Variants in DGKB observed in about 807,000 individuals in gnomAD.
The protein encoded by DGKB is 90 kDa diacylglycerol kinase.
Under a neutral mutation model 114.3 loss-of-function variants are expected in DGKB, and 67 were observed. The observed-to-expected ratio is 0.59, with a 90% CI of 0.48 to 0.72. DGKB has a LOEUF of 0.72. DGKB is among the 30% of genes least tolerant of loss of function. DGKB has a pLI of 0.00. For synonymous variants in DGKB, 398 were observed against 323.1 expected, an observed-to-expected ratio of 1.23 and a Z score of -2.49; for missense variants, 907 against 975.2, an observed-to-expected ratio of 0.93 and a Z score of 0.93.
At chr7:14,798,757 T>A (rs943404164) in intron 2 of DGKB, among the ~76,000 whole-genome samples, 1 of 152,172 alleles carries the variant, frequency 6.6e-6, no homozygotes, top group Non-Finnish European at 1.5e-5. Context: ...TCACAGCAGG[T>A]CCAGTGGGTC....
intron 17 of DGKB, among the ~76,000 whole-genome samples, chr7:14,584,098 T>A (rs11768578): frequency 0.33 from 49,747 of 152,118 alleles, 8,768 homozygotes; most frequent in East Asian, 0.68. Context: ...CTTGTGTGGT[T>A]TTATTTTAAC....
chr7:14,910,242 AAAAGAAAGAAAGAAAGAAAGAAAG>A (rs61063816), intron 1 of DGKB, among the ~76,000 whole-genome samples: 4,489 of 110,010 alleles, frequency 0.041, 186 homozygotes, highest in Admixed American at 0.1. Flanking sequence ...CTCCATCAAA[AAAAGAAAGAAAGAAAGAAAGAAAG>A]AAAGAAAGAA....
intron 1 of DGKB, among the ~76,000 whole-genome samples, chr7:14,942,476 T>C (rs189622461): frequency 2.2e-4 from 34 of 152,126 alleles, no homozygotes; most frequent in Non-Finnish European, 4.3e-4. Context: ...CTTTTATGTT[T>C]CTATGTTTTT....
At chr7:14,961,229 C>A (rs1786825026) in intron 1 of DGKB, among the ~76,000 whole-genome samples, 1 of 152,022 alleles carries the variant, frequency 6.6e-6, no homozygotes, top group African/African-American at 2.4e-5. Flanking sequence ...GACTTGTGTG[C>A]ATGAAGCTTA....
At chr7:14,742,220 T>G (rs1832681707) in intron 4 of DGKB, among the ~76,000 whole-genome samples, 1 of 152,242 alleles carries the variant, frequency 6.6e-6, no homozygotes, top group African/African-American at 2.4e-5. Context: ...CTGTTACCTC[T>G]GTTTCTTGAA....
intron 1 of DGKB, among the ~76,000 whole-genome samples, chr7:14,846,702 T>C (rs1158481316): frequency 6.6e-6 from 1 of 152,216 alleles, no homozygotes; most frequent in Non-Finnish European, 1.5e-5. Context: ...AGTCTAATTC[T>C]GGCTTTCTCT....
At chr7:14,270,765 C>A (rs190379819) in intron 23 of DGKB, among the ~76,000 whole-genome samples, 1 of 152,174 alleles carries the variant, frequency 6.6e-6, no homozygotes, top group East Asian at 1.9e-4. Context: ...CCTGTGAAGC[C>A]CTGTGCTGGA....
intron 20 of DGKB, among the ~76,000 whole-genome samples, chr7:14,493,662 G>T (rs911173898): frequency 6.6e-6 from 1 of 152,022 alleles, no homozygotes; most frequent in African/African-American, 2.4e-5. Flanking sequence ...AGACCTGGGT[G>T]GGGAGGTCCA....
chr7:14,314,440 A>G (rs2128514433), intron 23 of DGKB, among the ~76,000 whole-genome samples: 1 of 151,902 alleles, frequency 6.6e-6, no homozygotes, highest in Non-Finnish European at 1.5e-5. Flanking sequence ...TGCTTAAAGG[A>G]GCTGATGGAG....
chr7:14,760,339 C>T (rs1835504119), intron 2 of DGKB, among the ~76,000 whole-genome samples: 1 of 152,042 alleles, frequency 6.6e-6, no homozygotes, highest in South Asian at 2.1e-4. Context: ...AAAGTTGAAA[C>T]AATAGCATTG....
intron 23 of DGKB, chr7:14,209,634 G>A: frequency 2.6e-6 from 1 of 381,132 alleles, no homozygotes; most frequent in East Asian, 8.1e-5. Flanking sequence ...TCTCCCATTT[G>A]AAGAAAAAAA....
chr7:14,453,054 T>G lies in DGKB; in HGVS notation c.1835+25107A>C, dbSNP rs1273463772. 2.0e-5 allele frequency among the ~76,000 whole-genome samples: 3 copies of G among 152,174 alleles called. No individual in the cohort carries two copies. The East Asian group carries it at 5.8e-4, about 29-fold the overall frequency. On this transcript the variant is annotated intron_variant, in intron 21 of 25. Coordinates refer to ENST00000402815, the MANE Select transcript of DGKB (RefSeq NM_001350709.2). ...GCATGGAAATGGAAATAGCAATGGC[T>G]TACACATATAGTGATTACTACGCTC...
In DGKB at chr7:14,951,948, G is replaced by A. The variant is rs144734703; in HGVS notation, c.-188+22748C>T. Among the ~76,000 whole-genome samples the A allele has an allele frequency of 4.8e-3, 732 of 152,166 alleles. 6 individuals carry two copies. The highest frequency in any genetic ancestry group is 0.017 in the African/African-American group (707 of 41,542). ...AAGGAAAGATATGCTATAGGTTAGA[G>A]TGTCCCCCTACCCCATTGATATGCT... On this transcript the variant is annotated intron_variant, in intron 1 of 4. Transcript: ENST00000437998.
intron 21 of DGKB, among the ~76,000 whole-genome samples, chr7:14,466,103 G>A (rs1780432315): frequency 6.6e-6 from 1 of 152,256 alleles, no homozygotes; most frequent in African/African-American, 2.4e-5. Context: ...ACATAAAAAG[G>A]TTAAATAAGG....
At chr7:14,786,940 C>A (rs1298443126) in intron 2 of DGKB, among the ~76,000 whole-genome samples, 1 of 152,220 alleles carries the variant, frequency 6.6e-6, no homozygotes, top group Non-Finnish European at 1.5e-5. Context: ...CTGTGGATCT[C>A]CTCTCCACTG....
intron 13 of DGKB, among the ~76,000 whole-genome samples, chr7:14,667,288 C>A (rs926315383): frequency 1.3e-5 from 2 of 151,832 alleles, no homozygotes; most frequent in African/African-American, 2.4e-5. Flanking sequence ...GGATCTTGAC[C>A]TTGTGGTATG....
intron 8 of DGKB, 101 bp downstream of exon 8, chr7:14,697,993 GA>G (rs1367573257): frequency 3.1e-6 from 2 of 644,100 alleles, no homozygotes; most frequent in African/African-American, 2.3e-5. Flanking sequence ...GAGAGAGAAA[GA>G]AAAAAAGAAA....
rs991141896 is a variant in DGKB at position 14,146,860 on chromosome 7, T to C, written c.*2271A>G. The C allele has an allele frequency of 1.3e-5, 2 of 152,154 alleles. No homozygotes were observed. Among genetic ancestry groups the C allele is most frequent in the Admixed American group, 6.6e-5 (1 of 15,262 alleles). The allele number at this position is 152,154 out of a possible 1,614,324, so 9.4% of individuals were successfully genotyped here. ...TCCCATTATTTCAATCATTGAAATC[T>C]TATAAGCAGGTTGTTTAATTTGTCT... On this transcript the variant is annotated 3_prime_UTR_variant, in exon 26 of 26. Coordinates refer to ENST00000402815, the MANE Select transcript of DGKB (RefSeq NM_001350709.2).
At chr7:14,559,735 C>T (rs553767078) in intron 20 of DGKB, among the ~76,000 whole-genome samples, 9 of 152,216 alleles carry the variant, frequency 5.9e-5, no homozygotes, top group African/African-American at 2.2e-4. Context: ...GATGTCAAAG[C>T]CTTGGATCTC....
Sources: gnomAD v4.1 joint callset for allele counts (sites outside exome capture counted in the v4.1 genomes callset) on GRCh38, gnomAD v4.1.1 for gene constraint, MANE v1.5 for transcripts, NCBI Gene and HGNC (gene_info 2026-07-23, HGNC 2026-07-21) for gene names.